Variants in GNS observed in about 807,000 individuals in gnomAD.
GNS encodes the protein N-acetylglucosamine-6-sulfatase.
Under a neutral mutation model 69.7 loss-of-function variants are expected in GNS, and 40 were observed. The ratio of observed to expected loss-of-function variants is 0.57; its 90% CI spans 0.45 to 0.75. The LOEUF is 0.75. GNS is among the 30% of genes least tolerant of loss of function. The probability of loss-of-function intolerance (pLI) is 0.00; values close to 1 mark genes in which losing one functional copy is unlikely to be tolerated. For synonymous variants in GNS, 243 were observed against 251.6 expected, an observed-to-expected ratio of 0.97 and a Z score of 0.32; for missense variants, 565 against 685.5, an observed-to-expected ratio of 0.82 and a Z score of 1.96.
At chr12:64,753,295 AG>A (rs1292758389) in intron 1 of GNS, among the ~76,000 whole-genome samples, 1 of 152,186 alleles carries the variant, frequency 6.6e-6, no homozygotes, top group Non-Finnish European at 1.5e-5. Flanking sequence ...GACTTGAACC[AG>A]GTGGCAAGCA....
chr12:64,723,608 G>C (rs575102114), intron 10 of GNS, among the ~76,000 whole-genome samples: 1 of 152,208 alleles, frequency 6.6e-6, no homozygotes, highest in African/African-American at 2.4e-5. Context: ...TGAAGGTATA[G>C]TACATTAATT....
In GNS at chr12:64,717,555, G is replaced by A. The variant is rs552225675; in HGVS notation, c.1581-736C>T. Among the ~76,000 whole-genome samples the A allele has an allele frequency of 7.1e-5, 10 of 140,994 alleles. No individual in the cohort carries two copies. The South Asian group carries it at 1.5e-3, about 22-fold the overall frequency. 92.5% of individuals were successfully genotyped at this position (140,994 alleles called of 152,430 possible). ...TTTTTTTTTTTTTGTAGAGACAAGA[G>A]TTTCACCATGTTGCCCAGGCTGGTC... is the stretch of plus-strand genomic sequence containing the variant. On this transcript the variant is annotated intron_variant, in intron 13 of 13. Transcript: ENST00000258145.
At chr12:64,751,415 A>G (rs1481802202) in intron 2 of GNS, among the ~76,000 whole-genome samples, 2 of 152,206 alleles carry the variant, frequency 1.3e-5, no homozygotes, top group African/African-American at 2.4e-5. Flanking sequence ...TCTTATTTCC[A>G]TAAGACTTAT....
At chr12:64,755,239 C>T (rs1298219280) in intron 1 of GNS, among the ~76,000 whole-genome samples, 2 of 152,090 alleles carry the variant, frequency 1.3e-5, no homozygotes, top group East Asian at 1.9e-4. Flanking sequence ...TGCTCTGAAA[C>T]GACAATTCTG....
chr12:64,755,775 T>C (rs554911782), intron 1 of GNS, among the ~76,000 whole-genome samples: 3 of 146,854 alleles, frequency 2.0e-5, no homozygotes, highest in South Asian at 4.4e-4. Context: ...ACCTCCTGGG[T>C]TCAAGTGATT....
At chr12:64,757,427 T>A (rs1416130274) in intron 1 of GNS, among the ~76,000 whole-genome samples, 1 of 152,222 alleles carries the variant, frequency 6.6e-6, no homozygotes, top group Non-Finnish European at 1.5e-5. Context: ...TTCTTTTTTT[T>A]AATAAAAAAG....
intron 1 of GNS, among the ~76,000 whole-genome samples, chr12:64,756,238 G>C (rs1870246378): frequency 6.6e-6 from 1 of 152,218 alleles, no homozygotes; most frequent in Admixed American, 6.5e-5. Context: ...TTTGACCTGA[G>C]TGAGATTGGT....
chr12:64,744,871 T>C lies in GNS; in HGVS notation c.562A>G (p.Ile188Val), dbSNP rs775976791. The C allele has an allele frequency of 7.1e-6, 11 of 1,548,582 alleles. No individual in the cohort carries two copies. The highest frequency in any genetic ancestry group is 1.4e-5 in the African/African-American group (1 of 73,690). Reference sequence around the variant, plus strand: ...CCATGCTTCCGTGCCTTCCCATTGATAGACAGGGTGTAATTATAATACTTA... The same window carrying C: ...CCATGCTTCCGTGCCTTCCCATTGACAGACAGGGTGTAATTATAATACTTA... ...NSKYYNYTLSINGKARKHGEN... is the reference protein window; with the variant it reads ...NSKYYNYTLSVNGKARKHGEN... The change falls in exon 5 of 14, where the codon ATC becomes GTC. Residue 188 changes from isoleucine (I) to valine (V), a missense_variant. This residue lies in a region of GNS where 384 missense variants were observed against 511.0 expected (regional missense o/e 0.75). Coordinates refer to ENST00000258145, the MANE Select transcript of GNS (RefSeq NM_002076.4).
At chr12:64,719,727 C>T (rs796468707) in intron 13 of GNS, among the ~76,000 whole-genome samples, 14 of 152,258 alleles carry the variant, frequency 9.2e-5, no homozygotes, top group African/African-American at 3.4e-4. Context: ...CCCCAAGTGT[C>T]ACCAATGCAA....
Position 64,755,755 on chromosome 12 carries a change from T to C in GNS, c.193-2998A>G, listed in dbSNP as rs535050560. On this transcript the variant is annotated intron_variant, in intron 1 of 13. Transcript: ENST00000258145. ...GTGCGGTGGCACAATCTCAGCTCAC[T>C]GCAACCTCCACCTCCTGGGTTCAAG... Among the ~76,000 whole-genome samples the C allele has an allele frequency of 1.3e-4, 19 of 146,886 alleles. No individual in the cohort carries two copies. In the East Asian group the frequency reaches 3.9e-3, roughly 30 times the overall value.
At position 64,716,791 on chromosome 12, in the gene GNS, T is replaced by C. The variant is rs776925981; in HGVS notation, c.1609A>G (p.Ser537Gly). ...GYRFDPRLMF[S>G]NRGSVRTRRF... ...CGAGTCCTGACACTGCCGCGATTGC[T>C]GAACATGAGACGGGGGTCAAACCTG... The change falls in exon 14 of 14, where the codon AGC becomes GGC. Residue 537 changes from serine to glycine, a missense_variant. Ser to Gly is a moderately conservative substitution (Grantham distance 56). Coordinates refer to ENST00000258145, the MANE Select transcript of GNS (RefSeq NM_002076.4). The C allele has an allele frequency of 1.8e-5, 29 of 1,613,238 alleles. No homozygotes were observed. In the South Asian group the frequency reaches 3.1e-4, roughly 17 times the overall value.
intron 9 of GNS, chr12:64,729,314 G>T: frequency 2.3e-6 from 1 of 443,302 alleles, no homozygotes; most frequent in African/African-American, 2.0e-5. Context: ...TTCTGTTATT[G>T]ATCAAAATGT....
intron 13 of GNS, among the ~76,000 whole-genome samples, chr12:64,717,274 C>T (rs1026249763): frequency 3.3e-5 from 5 of 152,092 alleles, no homozygotes; most frequent in African/African-American, 1.2e-4. Context: ...ACGCTCTTGA[C>T]TTAATAAGGA....
At chr12:64,746,276 T>C (rs1869896674) in intron 3 of GNS, 4 of 163,230 alleles carry the variant, frequency 2.5e-5, no homozygotes, top group African/African-American at 7.2e-5. Flanking sequence ...TACCATAGAC[T>C]GAATAGTCCA....
intron 8 of GNS, among the ~76,000 whole-genome samples, chr12:64,739,090 T>G (rs1869643360): frequency 6.6e-6 from 1 of 152,200 alleles, no homozygotes; most frequent in African/African-American, 2.4e-5. Context: ...CCTTTTGGTC[T>G]TCCTATCTCA....
intron 3 of GNS, among the ~76,000 whole-genome samples, chr12:64,746,449 G>A (rs1465237113): frequency 6.6e-6 from 1 of 152,206 alleles, no homozygotes; most frequent in South Asian, 2.1e-4. Flanking sequence ...TGTTCAACCA[G>A]TAAGTATCAT....
intron 9 of GNS, among the ~76,000 whole-genome samples, chr12:64,731,345 G>C (rs1037496881): frequency 6.6e-5 from 10 of 152,204 alleles, no homozygotes; most frequent in African/African-American, 2.2e-4. Flanking sequence ...CCAAAGTGCT[G>C]GGATTACAGG....
At chr12:64,725,758 A>G (rs995665944) in intron 10 of GNS, among the ~76,000 whole-genome samples, 1 of 152,048 alleles carries the variant, frequency 6.6e-6, no homozygotes, top group Non-Finnish European at 1.5e-5. Context: ...GCACTTTAGG[A>G]GGCCAAGGAG....
chr12:64,736,693 C>T (rs370243596), intron 9 of GNS, among the ~76,000 whole-genome samples: 9 of 152,274 alleles, frequency 5.9e-5, no homozygotes, highest in East Asian at 3.9e-4. Flanking sequence ...TCTTCAGTTT[C>T]GGAGGGCAAT....
Sources: allele counts gnomAD v4.1 joint callset (sites outside exome capture counted in the v4.1 genomes callset), GRCh38; gene constraint gnomAD v4.1.1; regional missense constraint gnomAD v4.1.1; transcripts MANE v1.5; gene names NCBI Gene and HGNC (gene_info 2026-07-23, HGNC 2026-07-21).